Variants in FSTL1 observed in about 807,000 individuals in gnomAD.
FSTL1 encodes follistatin-related protein 1.
Under a neutral mutation model 45.9 loss-of-function variants are expected in FSTL1, and 24 were observed. The ratio of observed to expected loss-of-function variants is 0.52; its 90% confidence interval spans 0.38 to 0.74. FSTL1 has a LOEUF of 0.74. Among genes scored for constraint, FSTL1 ranks in the 30% least tolerant of loss-of-function variants. The probability of loss-of-function intolerance (pLI) is 0.00; values close to 1 mark genes in which losing one functional copy is unlikely to be tolerated. For missense variants in FSTL1, 340 were observed against 381.8 expected (o/e 0.89, Z 0.91); for synonymous variants, 120 against 137.6 (o/e 0.87, Z 0.89).
chr3:120,442,460 A>G (rs1386569151), intron 2 of FSTL1, among the ~76,000 whole-genome samples: 1 of 152,138 alleles, frequency 6.6e-6, no homozygotes, highest in Non-Finnish European at 1.5e-5. Context: ...TAATAACAAA[A>G]TGGGTTTGTT....
At chr3:120,445,142 AG>A (rs1304137834) in intron 2 of FSTL1, among the ~76,000 whole-genome samples, 17 of 150,002 alleles carry the variant, frequency 1.1e-4, no homozygotes, top group Non-Finnish European at 1.3e-4. Context: ...AAAACAGTCA[AG>A]AAAGCTCCCC....
At chr3:120,449,653 A>T (rs1039260151) in intron 2 of FSTL1, among the ~76,000 whole-genome samples, 11 of 152,318 alleles carry the variant, frequency 7.2e-5, no homozygotes, top group Admixed American at 5.9e-4. Context: ...CGTATTTTTT[A>T]AAAATTGTGA....
chr3:120,398,078 C>T (rs1936738431), intron 10 of FSTL1, among the ~76,000 whole-genome samples: 1 of 152,006 alleles, frequency 6.6e-6, no homozygotes. Flanking sequence ...TTAGTGGCTG[C>T]AAAGGGCTGG....
At chr3:120,411,035 A>C in intron 4 of FSTL1, 51 bp from the exon 5 acceptor site, 1 of 1,401,186 alleles carries the variant, frequency 7.1e-7, no homozygotes, top group Non-Finnish European at 9.9e-7. Context: ...GAAAAAAGAA[A>C]ATTTTTCTGT....
At chr3:120,450,647 C>T (rs1309769770) in intron 2 of FSTL1, 37 bp downstream of exon 2, 1 of 1,296,414 alleles carries the variant, frequency 7.7e-7, no homozygotes. Context: ...CAAGAGGCCC[C>T]GGGGACCGAG....
In FSTL1 at chr3:120,430,858, C is replaced by A. The variant is rs1303599748; in HGVS notation, c.64-14831G>T. 1.3e-5 allele frequency among the ~76,000 whole-genome samples: 2 copies of A among 152,208 alleles called. 1 individual carries two copies. Among genetic ancestry groups the A allele is most frequent in the African/African-American group, 4.8e-5 (2 of 41,454 alleles). ...ATTTTAAATAACAGAACAACACAAT[C>A]TAATAAGAGATAACTCAAGACAATG... On this transcript the variant is annotated intron_variant, in intron 2 of 10. Transcript: ENST00000295633.
At chr3:120,400,525 T>C (rs941225816) in intron 9 of FSTL1, among the ~76,000 whole-genome samples, 6 of 152,208 alleles carry the variant, frequency 3.9e-5, no homozygotes, top group Non-Finnish European at 8.8e-5. Context: ...ACTACACAGG[T>C]TCCCAAGCTG....
chr3:120,435,021 C>A (rs1937526950), intron 2 of FSTL1, among the ~76,000 whole-genome samples: 1 of 152,142 alleles, frequency 6.6e-6, no homozygotes, highest in Admixed American at 6.5e-5. Context: ...GAGTTCAAGA[C>A]CAGCCTGGCC....
intron 6 of FSTL1, among the ~76,000 whole-genome samples, chr3:120,408,174 T>C (rs530424851): frequency 6.6e-6 from 1 of 152,366 alleles, no homozygotes; most frequent in South Asian, 2.1e-4. Flanking sequence ...TCACTTTCTT[T>C]ACATTACTTT....
intron 2 of FSTL1, among the ~76,000 whole-genome samples, chr3:120,417,210 G>T (rs1226295806): frequency 6.6e-6 from 1 of 152,202 alleles, no homozygotes; most frequent in Non-Finnish European, 1.5e-5. Flanking sequence ...ACCACATTAT[G>T]CAGAGAACTC....
chr3:120,442,603 A>C (rs1178331829), intron 2 of FSTL1, among the ~76,000 whole-genome samples: 1 of 151,888 alleles, frequency 6.6e-6, no homozygotes, highest in African/African-American at 2.4e-5. Flanking sequence ...AACTAGGTGA[A>C]ACCCCATCTC....
chr3:120,412,469 T>C (rs1339875182), intron 3 of FSTL1, among the ~76,000 whole-genome samples: 1 of 152,200 alleles, frequency 6.6e-6, no homozygotes, highest in Admixed American at 6.5e-5. Context: ...TCTTGGAAGT[T>C]AGAGACCAGG....
intron 9 of FSTL1, among the ~76,000 whole-genome samples, chr3:120,400,536 C>T (rs892470231): frequency 1.3e-5 from 2 of 152,352 alleles, no homozygotes; most frequent in East Asian, 1.9e-4. Context: ...TCCCAAGCTG[C>T]TCTTTTGCAA....
At chr3:120,408,998 C>T (rs1234032665) in intron 6 of FSTL1, among the ~76,000 whole-genome samples, 1 of 152,196 alleles carries the variant, frequency 6.6e-6, no homozygotes, top group African/African-American at 2.4e-5. Context: ...AACACTCTGT[C>T]TCTTCAACTA....
chr3:120,447,155 G>C (rs1326192525), intron 2 of FSTL1, among the ~76,000 whole-genome samples: 2 of 152,108 alleles, frequency 1.3e-5, no homozygotes, highest in Non-Finnish European at 2.9e-5. Flanking sequence ...TGAGCTTCAA[G>C]GGCACACACA....
chr3:120,394,557 G>A lies in FSTL1; in HGVS notation c.*2395C>T, dbSNP rs1048966527. On this transcript the variant is annotated 3_prime_UTR_variant, in exon 11 of 11. Coordinates refer to ENST00000295633, the MANE Select transcript of FSTL1 (RefSeq NM_007085.5). Reference sequence around the variant, plus strand: ...GTCCAGAGTCACGGCATGTGGGAATGTTTCCATGGACACTGGATCTTAACA... The same window carrying A: ...GTCCAGAGTCACGGCATGTGGGAATATTTCCATGGACACTGGATCTTAACA... 2.0e-5 allele frequency: 3 copies of A among 152,208 alleles called. No individual in the cohort carries two copies. Among genetic ancestry groups the A allele is most frequent in the African/African-American group, 2.4e-5 (1 of 41,446 alleles). The allele number at this position is 152,208 out of a possible 1,614,324, so 9.4% of individuals were successfully genotyped here.
intron 2 of FSTL1, among the ~76,000 whole-genome samples, chr3:120,448,644 C>A (rs1370790998): frequency 6.6e-6 from 1 of 152,214 alleles, no homozygotes; most frequent in Non-Finnish European, 1.5e-5. Context: ...TCTCCCCCAA[C>A]GCACTCTGTT....
chr3:120,433,252 A>T (rs774776063), intron 2 of FSTL1, among the ~76,000 whole-genome samples: 1 of 152,234 alleles, frequency 6.6e-6, no homozygotes, highest in South Asian at 2.1e-4. Context: ...TTCCAACTTC[A>T]CCTGGGACTG....
intron 2 of FSTL1, among the ~76,000 whole-genome samples, chr3:120,443,208 T>C (rs1937662742): frequency 6.7e-6 from 1 of 149,552 alleles, no homozygotes; most frequent in Non-Finnish European, 1.5e-5. Flanking sequence ...TTTCAAATTC[T>C]GAGAAGGCAG....
Sources: gnomAD v4.1 joint callset for allele counts (sites outside exome capture counted in the v4.1 genomes callset) on GRCh38, gnomAD v4.1.1 for gene constraint, MANE v1.5 for transcripts, NCBI Gene and HGNC (gene_info 2026-07-23, HGNC 2026-07-21) for gene names.